ADCY2: variants seen among roughly 807,000 people sequenced by gnomAD.
The protein encoded by ADCY2 is adenylate cyclase 2.
Under a neutral mutation model 125.2 loss-of-function variants are expected in ADCY2, and 31 were observed. That is an observed-to-expected ratio of 0.25 (90% CI 0.19 to 0.33). The LOEUF (loss-of-function observed/expected upper bound fraction) is 0.33, where lower values mean the gene tolerates loss of function less well. ADCY2 is among the 10% of genes least tolerant of loss of function. The pLI, the probability that ADCY2 is intolerant of heterozygous loss-of-function variation, is 1.00. For synonymous variants in ADCY2, 512 were observed against 548.4 expected, an observed-to-expected ratio of 0.93 and a Z score of 0.93; for missense variants, 904 against 1,418.2, an observed-to-expected ratio of 0.64 and a Z score of 5.82.
chr5:7,424,014 A>G (rs923113221), intron 2 of ADCY2, among the ~76,000 whole-genome samples: 1 of 152,220 alleles, frequency 6.6e-6, no homozygotes, highest in Non-Finnish European at 1.5e-5. Flanking sequence ...CTGATTCACC[A>G]TTATGCAATT....
chr5:7,758,297 G>A (rs75022177), intron 16 of ADCY2, among the ~76,000 whole-genome samples: 6 of 152,206 alleles, frequency 3.9e-5, no homozygotes, highest in East Asian at 1.9e-4. Flanking sequence ...CATCAGTGCC[G>A]GTTATCTCCC....
intron 2 of ADCY2, among the ~76,000 whole-genome samples, chr5:7,509,287 A>T (rs1344597551): frequency 6.6e-6 from 1 of 152,212 alleles, no homozygotes; most frequent in African/African-American, 2.4e-5. Flanking sequence ...TGGTATATGG[A>T]TATTCACAGC....
At position 7,403,937 on chromosome 5, in the gene ADCY2, T is replaced by TACACACACAC. The variant is rs370540720; in HGVS notation, c.210+7461_210+7470dup. On this transcript the variant is annotated intron_variant, in intron 1 of 24. Coordinates refer to ENST00000338316, the MANE Select transcript of ADCY2 (RefSeq NM_020546.3). Reference sequence around the variant, plus strand: ...TGTTTTGTTTTTATCCTTTCAATGCTACACACACACACACACACACACACA... The same window carrying TACACACACAC: ...TGTTTTGTTTTTATCCTTTCAATGCTACACACACACACACACACACACACACACACACACA... 4.3e-3 allele frequency among the ~76,000 whole-genome samples: 606 copies of TACACACACAC among 140,526 alleles called. 1 individual carries two copies. Among genetic ancestry groups the TACACACACAC allele is most frequent in the African/African-American group, 7.2e-3 (278 of 38,848 alleles). The allele number at this position is 140,526 out of a possible 152,430, so 92.2% of individuals were successfully genotyped here. A position where few individuals can be genotyped will look rare whatever the true frequency, so the allele number is the denominator to read the frequency against.
rs762253671 is a variant in ADCY2 at position 7,827,355 on chromosome 5, G to T, written c.*484G>T. ...TTGCCAGTGGTGTCCAAGGGCCCCC[G>T]TTGGGACCCACGGCTCTCGTCCCTC... On this transcript the variant is annotated 3_prime_UTR_variant, in exon 25 of 25. Transcript: ENST00000338316. The T allele has an allele frequency of 6.5e-6, 1 of 154,762 alleles. No individual in the cohort carries two copies. Among genetic ancestry groups the T allele is most frequent in the Admixed American group, 6.4e-5 (1 of 15,682 alleles). 9.6% of individuals were successfully genotyped at this position (154,762 alleles called of 1,614,324 possible).
intron 16 of ADCY2, among the ~76,000 whole-genome samples, chr5:7,761,707 A>G (rs1743221039): frequency 6.6e-6 from 1 of 152,216 alleles, no homozygotes; most frequent in South Asian, 2.1e-4. Flanking sequence ...TAATTCTTAA[A>G]GACGATATAA....
At chr5:7,771,360 G>A (rs1032500328) in intron 17 of ADCY2, among the ~76,000 whole-genome samples, 8 of 152,174 alleles carry the variant, frequency 5.3e-5, no homozygotes, top group Non-Finnish European at 1.2e-4. Flanking sequence ...TCGGGCAATT[G>A]CAGCTAAGAA....
chr5:7,816,537 G>A (rs570599538), intron 22 of ADCY2, among the ~76,000 whole-genome samples: 42 of 152,234 alleles, frequency 2.8e-4, no homozygotes, highest in Admixed American at 5.9e-4. Context: ...GGAAGAAGGC[G>A]CCAGCCCCTC....
chr5:7,656,679 C>A (rs186944469), intron 4 of ADCY2, among the ~76,000 whole-genome samples: 146 of 152,314 alleles, frequency 9.6e-4, no homozygotes, highest in African/African-American at 3.4e-3. Flanking sequence ...AGCATTTCAT[C>A]ATCTCATTAC....
At position 7,396,317 on chromosome 5, in the gene ADCY2, G is replaced by C. The variant is rs952002707; in HGVS notation, c.21G>C (p.Arg7=). The part of the protein sequence containing the change: MWQEAM[R]RRRYLRDRSE... Reference sequence around the variant, plus strand: ...CCCCGATGTGGCAGGAGGCGATGCGGCGCCGCCGCTACCTGCGGGACCGCT... The same window carrying C: ...CCCCGATGTGGCAGGAGGCGATGCGCCGCCGCCGCTACCTGCGGGACCGCT... Residue 7 remains arginine (R), a synonymous_variant, in exon 1 of 25, where the codon CGG becomes CGC. Coordinates refer to ENST00000338316, the MANE Select transcript of ADCY2 (RefSeq NM_020546.3). The surrounding 1 kb of genome is among the most constrained non-coding windows in gnomAD (Gnocchi z 5.7). 3 of 1,456,158 alleles carry C rather than the reference G, an allele frequency of 2.1e-6. No homozygotes were observed. The highest frequency in any genetic ancestry group is 2.7e-6 in the Non-Finnish European group (3 of 1,101,692). The allele number at this position is 1,456,158 out of a possible 1,614,324, so 90.2% of individuals were successfully genotyped here. A position where few individuals can be genotyped will look rare whatever the true frequency, so the allele number is the denominator to read the frequency against.
chr5:7,589,458 A>AAAAGGAAGAAAGAAAGAAAG (rs1736747818), intron 3 of ADCY2, among the ~76,000 whole-genome samples: 2 of 72,932 alleles, frequency 2.7e-5, no homozygotes, highest in African/African-American at 1.0e-4. Flanking sequence ...GAAGGAAAGA[A>AAAAGGAAGAAAGAAAGAAAG]AAAGAAAGAA....
Position 7,820,624 on chromosome 5 carries a change from A to G in ADCY2, c.3058A>G (p.Ile1020Val), listed in dbSNP as rs758742476. The G allele has an allele frequency of 6.2e-7, 1 of 1,614,148 alleles. No homozygotes were observed. The highest frequency in any genetic ancestry group is 8.5e-7 in the Non-Finnish European group (1 of 1,179,978). The change falls in exon 24 of 25, where the codon ATC (isoleucine) becomes GTC (valine). Residue 1020 changes from isoleucine (I) to valine (V), a missense_variant. Transcript: ENST00000338316. ...TGGAGCTCAGAAGCCACAATATGAT[A>G]TCTGGGGCAACACTGTCAATGTGGC... ...VIGAQKPQYD[I>V]WGNTVNVASR...
intron 18 of ADCY2, among the ~76,000 whole-genome samples, chr5:7,783,082 A>G (rs569054982): frequency 1.3e-5 from 2 of 152,290 alleles, no homozygotes; most frequent in South Asian, 4.2e-4. Context: ...TAAGCCCATA[A>G]GCCACTGGGA....
At chr5:7,557,476 T>C (rs1735562459) in intron 3 of ADCY2, among the ~76,000 whole-genome samples, 2 of 152,076 alleles carry the variant, frequency 1.3e-5, no homozygotes, top group Admixed American at 6.6e-5. Flanking sequence ...ATCACCCAGG[T>C]ATTAAGCCTA....
At chr5:7,513,043 G>C (rs1744123901) in intron 2 of ADCY2, among the ~76,000 whole-genome samples, 1 of 148,414 alleles carries the variant, frequency 6.7e-6, no homozygotes. Flanking sequence ...GGATGTGATG[G>C]AATTTCAGTG....
chr5:7,687,501 G>A (rs906129045), intron 4 of ADCY2, among the ~76,000 whole-genome samples: 3 of 152,170 alleles, frequency 2.0e-5, no homozygotes, highest in Non-Finnish European at 4.4e-5. Context: ...GGGTGAGGGC[G>A]TGGGACCATG....
At chr5:7,794,675 C>T (rs1402059254) in intron 20 of ADCY2, 1 of 152,074 alleles carries the variant, frequency 6.6e-6, no homozygotes, top group Non-Finnish European at 1.5e-5. Flanking sequence ...AAGTCGTGCC[C>T]CTCCCTTCTG....
chr5:7,613,046 A>G (rs1737623538), intron 3 of ADCY2, among the ~76,000 whole-genome samples: 1 of 152,048 alleles, frequency 6.6e-6, no homozygotes, highest in South Asian at 2.1e-4. Flanking sequence ...AAATATATAT[A>G]TACCTAATGT....
intron 1 of ADCY2, among the ~76,000 whole-genome samples, chr5:7,410,441 G>C (rs190203251): frequency 4.7e-4 from 71 of 152,232 alleles, no homozygotes; most frequent in Non-Finnish European, 8.8e-4. Context: ...AGGAATAAAA[G>C]TGATGGGTAT....
chr5:7,478,962 G>A (rs1161516032), intron 2 of ADCY2, among the ~76,000 whole-genome samples: 2 of 152,026 alleles, frequency 1.3e-5, no homozygotes, highest in Non-Finnish European at 2.9e-5. Context: ...GAATTAATAA[G>A]CTCTTATAGA....
Sources: allele counts gnomAD v4.1 joint callset (sites outside exome capture counted in the v4.1 genomes callset), GRCh38; gene constraint gnomAD v4.1.1; non-coding constraint Gnocchi (gnomAD v3.1); transcripts MANE v1.5; gene names NCBI Gene and HGNC (gene_info 2026-07-23, HGNC 2026-07-21).